Variants in CDH12 observed in about 807,000 individuals in gnomAD.
The protein encoded by CDH12 is cadherin-12.
Under a neutral mutation model 74.1 loss-of-function variants are expected in CDH12, and 41 were observed. The observed-to-expected ratio is 0.55, with a 90% CI of 0.43 to 0.72. CDH12 has a LOEUF of 0.72. CDH12 is among the 30% of genes least tolerant of loss of function. The pLI is 0.00. For missense variants in CDH12, 945 were observed against 977.2 expected (o/e 0.97, Z 0.44); for synonymous variants, 399 against 355.0 (o/e 1.12, Z -1.39).
At chr5:21,991,174 C>T (rs1487684233) in intron 5 of CDH12, among the ~76,000 whole-genome samples, 1 of 151,700 alleles carries the variant, frequency 6.6e-6, no homozygotes, top group Non-Finnish European at 1.5e-5. Flanking sequence ...ATTTAGTAAT[C>T]GCTCCCAGGG....
intron 3 of CDH12, among the ~76,000 whole-genome samples, chr5:22,316,226 GTT>G (rs553001424): frequency 1.4e-5 from 2 of 140,690 alleles, no homozygotes; most frequent in Non-Finnish European, 3.1e-5. Context: ...AATGCTAAGA[GTT>G]TTTTTTTTTT....
At chr5:22,469,696 A>G (rs567988462) in intron 2 of CDH12, among the ~76,000 whole-genome samples, 114 of 152,240 alleles carry the variant, frequency 7.5e-4, no homozygotes, top group African/African-American at 2.6e-3. Flanking sequence ...TGTTATCTAT[A>G]CTGACTTTTA....
intron 1 of CDH12, among the ~76,000 whole-genome samples, chr5:22,595,912 C>T (rs1736578339): frequency 6.6e-6 from 1 of 150,872 alleles, no homozygotes; most frequent in Non-Finnish European, 1.5e-5. Context: ...CCCGTCTCTA[C>T]TAAAAATAAA....
chr5:22,364,321 C>T (rs565473793), intron 3 of CDH12, among the ~76,000 whole-genome samples: 5 of 152,004 alleles, frequency 3.3e-5, no homozygotes, highest in East Asian at 1.9e-4. Context: ...CTTTCATGAA[C>T]GATGTAAACA....
intron 11 of CDH12, among the ~76,000 whole-genome samples, chr5:21,780,351 T>C (rs1038287428): frequency 1.3e-5 from 2 of 152,198 alleles, no homozygotes; most frequent in African/African-American, 4.8e-5. Flanking sequence ...TTCTAAATTG[T>C]TGAAGCTCAA....
chr5:22,795,191 G>C (rs1352198444), intron 1 of CDH12, among the ~76,000 whole-genome samples: 2 of 151,990 alleles, frequency 1.3e-5, no homozygotes, highest in Non-Finnish European at 2.9e-5. Flanking sequence ...CAAACAAAAA[G>C]ACAAAATTTC....
In CDH12 at chr5:22,792,446, T is replaced by C. The variant is rs141315049; in HGVS notation, c.-523+60612A>G. On this transcript the variant is annotated intron_variant, in intron 1 of 14. Coordinates refer to ENST00000382254, the MANE Select transcript of CDH12 (RefSeq NM_004061.5). Reference sequence around the variant, plus strand: ...GCATATTACTTTGACAGTGGTAAGATAGGTTAGCAGAAAACAGAAATGTCT... The same window carrying C: ...GCATATTACTTTGACAGTGGTAAGACAGGTTAGCAGAAAACAGAAATGTCT... Among the ~76,000 whole-genome samples, 8 of 152,272 alleles carry C rather than the reference T, an allele frequency of 5.3e-5. No individual in the cohort carries two copies. The East Asian group carries it at 1.4e-3, about 26-fold the overall frequency.
chr5:22,464,858 C>G, intron 2 of CDH12, among the ~76,000 whole-genome samples: 1 of 151,900 alleles, frequency 6.6e-6, no homozygotes, highest in Non-Finnish European at 1.5e-5. Context: ...AAAAATTAGG[C>G]AGGAGTGGTG....
chr5:22,483,985 G>A (rs183182871), intron 2 of CDH12, among the ~76,000 whole-genome samples: 25 of 150,884 alleles, frequency 1.7e-4, no homozygotes, highest in Admixed American at 2.6e-4. Flanking sequence ...TCTTCTAACC[G>A]TAAGAAATTG....
intron 3 of CDH12, among the ~76,000 whole-genome samples, chr5:22,288,614 G>A (rs1355660899): frequency 6.6e-6 from 1 of 152,188 alleles, no homozygotes; most frequent in Non-Finnish European, 1.5e-5. Context: ...GCCTTTTAGT[G>A]CAGAATTCGT....
chr5:22,504,543 T>C (rs1042427234), intron 2 of CDH12, among the ~76,000 whole-genome samples: 1 of 152,058 alleles, frequency 6.6e-6, no homozygotes, highest in African/African-American at 2.4e-5. Context: ...AACTGATCTC[T>C]GATTAGAACT....
At chr5:21,843,441 T>C (rs1371032819) in intron 7 of CDH12, among the ~76,000 whole-genome samples, 1 of 152,172 alleles carries the variant, frequency 6.6e-6, no homozygotes, top group African/African-American at 2.4e-5. Context: ...CTTCTGACTC[T>C]TGGCAGGAAA....
intron 4 of CDH12, among the ~76,000 whole-genome samples, chr5:22,094,362 C>A (rs1049011486): frequency 6.6e-6 from 1 of 152,104 alleles, no homozygotes; most frequent in African/African-American, 2.4e-5. Flanking sequence ...TACGGAGAAC[C>A]ACAAAGATTT....
chr5:22,147,932 C>T (rs1399667528), intron 4 of CDH12, among the ~76,000 whole-genome samples: 1 of 152,152 alleles, frequency 6.6e-6, no homozygotes, highest in African/African-American at 2.4e-5. Flanking sequence ...TGGTAGTGGT[C>T]AGTACATCTG....
intron 1 of CDH12, among the ~76,000 whole-genome samples, chr5:22,566,883 A>G (rs1168357678): frequency 6.6e-6 from 1 of 152,206 alleles, no homozygotes; most frequent in Non-Finnish European, 1.5e-5. Flanking sequence ...AATGCATAAC[A>G]TTCAATCATG....
At chr5:22,575,396 A>AT (rs35316807) in intron 1 of CDH12, among the ~76,000 whole-genome samples, 221 of 143,816 alleles carry the variant, frequency 1.5e-3, no homozygotes, top group South Asian at 3.8e-3. Context: ...GGTTTGAAAC[A>AT]TTTTTTTTTT....
chr5:22,032,098 G>GAA (rs1417740278), intron 5 of CDH12, among the ~76,000 whole-genome samples: 1 of 151,256 alleles, frequency 6.6e-6, no homozygotes, highest in African/African-American at 2.4e-5. Context: ...ATTATAAATA[G>GAA]AAATATTATA....
intron 1 of CDH12, among the ~76,000 whole-genome samples, chr5:22,751,652 A>T (rs1275267953): frequency 6.6e-6 from 1 of 152,116 alleles, no homozygotes; most frequent in East Asian, 1.9e-4. Flanking sequence ...TCCAGTTGAT[A>T]ATTCAAATGT....
At chr5:22,637,746 C>A (rs939779858) in intron 1 of CDH12, among the ~76,000 whole-genome samples, 1 of 152,322 alleles carries the variant, frequency 6.6e-6, no homozygotes, top group South Asian at 2.1e-4. Context: ...AAGTCTCAAT[C>A]ATCAAAGCAT....
Sources: gnomAD v4.1 joint callset for allele counts (sites outside exome capture counted in the v4.1 genomes callset) on GRCh38, gnomAD v4.1.1 for gene constraint, MANE v1.5 for transcripts, NCBI Gene and HGNC (gene_info 2026-07-23, HGNC 2026-07-21) for gene names.